GDPD4: variants seen among roughly 807,000 people sequenced by gnomAD.
GDPD4 encodes glycerophosphodiester phosphodiesterase domain containing 4, also known as glycerophosphodiester phosphodiesterase 6.
In GDPD4, 60 loss-of-function variants were observed where a neutral mutation model predicts 67.8. The observed-to-expected ratio is 0.88, with a 90% CI of 0.72 to 1.10. GDPD4 has a LOEUF of 1.10. Ranked by LOEUF, GDPD4 falls within the 50% of genes least tolerant of loss-of-function variation. The pLI, the probability that GDPD4 is intolerant of heterozygous loss-of-function variation, is 0.00. For missense variants in GDPD4, 623 were observed against 613.9 expected (o/e 1.01, Z -0.16); for synonymous variants, 212 against 210.9 (o/e 1.00, Z -0.04).
intron 1 of GDPD4, among the ~76,000 whole-genome samples, chr11:77,300,479 C>T (rs1938122395): frequency 6.6e-6 from 1 of 151,906 alleles, no homozygotes; most frequent in Admixed American, 6.6e-5. Flanking sequence ...CACCTAGTCT[C>T]TAAGGGAGAA....
chr11:77,282,708 CAAA>C (rs986602008), intron 3 of GDPD4, among the ~76,000 whole-genome samples: 11 of 144,070 alleles, frequency 7.6e-5, no homozygotes, highest in African/African-American at 2.7e-4. Flanking sequence ...ACAACAACAA[CAAA>C]AAAAAAAACA....
chr11:77,291,328 G>A (rs2135893980), intron 1 of GDPD4, among the ~76,000 whole-genome samples: 1 of 152,314 alleles, frequency 6.6e-6, no homozygotes, highest in Non-Finnish European at 1.5e-5. Context: ...TGATCTCATG[G>A]AGGTAATGAG....
chr11:77,252,050 GTTTGTTTTTTTTTTGTTTTTT>G (rs1164345018), intron 11 of GDPD4, among the ~76,000 whole-genome samples: 1 of 71,944 alleles, frequency 1.4e-5, no homozygotes, highest in Non-Finnish European at 3.1e-5. Context: ...TTTTTTGTTT[GTTTGTTTTTTTTTTGTTTTTT>G]TTTTTTTTTT....
chr11:77,217,385 C>T lies in GDPD4; in HGVS notation c.1526-71G>A, dbSNP rs1958145362. 7 of 1,210,892 alleles carry T rather than the reference C, an allele frequency of 5.8e-6. 1 individual carries two copies. In the East Asian group the frequency reaches 1.6e-4, roughly 28 times the overall value. The allele number at this position is 1,210,892 out of a possible 1,614,324, so 75.0% of individuals were successfully genotyped here. A position where few individuals can be genotyped will look rare whatever the true frequency, so the allele number is the denominator to read the frequency against. On this transcript the variant is annotated intron_variant, in intron 16 of 16. Transcript: ENST00000315938. ...CTCTCTGTCAGTCATGTGTGAAATT[C>T]AAGTTATCTCTTAAATGTTAGCCAC...
At chr11:77,288,659 C>A (rs1337704396) in intron 1 of GDPD4, among the ~76,000 whole-genome samples, 1 of 152,130 alleles carries the variant, frequency 6.6e-6, no homozygotes, top group Non-Finnish European at 1.5e-5. Flanking sequence ...AAAAAAAAAT[C>A]TTCCCCTATG....
chr11:77,241,022 T>A (rs906941898), intron 13 of GDPD4, among the ~76,000 whole-genome samples: 1 of 152,140 alleles, frequency 6.6e-6, no homozygotes. Flanking sequence ...TGGAGGTTCC[T>A]CAAAAAACTA....
chr11:77,286,254 A>C (rs888395001), intron 2 of GDPD4, among the ~76,000 whole-genome samples: 2 of 152,162 alleles, frequency 1.3e-5, no homozygotes, highest in Admixed American at 1.3e-4. Flanking sequence ...ACCTTCTAAA[A>C]GGTGGCCCTC....
At chr11:77,230,994 C>T (rs368951643) in intron 14 of GDPD4, among the ~76,000 whole-genome samples, 19 of 152,110 alleles carry the variant, frequency 1.2e-4, no homozygotes, top group East Asian at 1.9e-4. Flanking sequence ...GGATGAGCGA[C>T]GACACGAAGA....
intron 5 of GDPD4, among the ~76,000 whole-genome samples, chr11:77,274,173 A>G (rs562049793): frequency 6.6e-6 from 1 of 152,312 alleles, no homozygotes; most frequent in Admixed American, 6.5e-5. Context: ...AATAAGGCCT[A>G]TTTGTTCAAT....
chr11:77,284,462 AAAC>A (rs1274453501), intron 3 of GDPD4, among the ~76,000 whole-genome samples: 3 of 152,224 alleles, frequency 2.0e-5, no homozygotes, highest in South Asian at 4.1e-4. Context: ...TCTACAAAGA[AAAC>A]AACAACTGTA....
At chr11:77,232,884 A>C in intron 14 of GDPD4, 141 bp downstream of exon 14, 1 of 663,162 alleles carries the variant, frequency 1.5e-6, no homozygotes, top group Non-Finnish European at 2.5e-6. Context: ...TGAGAATGGA[A>C]AATACCACAT....
At chr11:77,293,342 C>T (rs1337853999) in intron 1 of GDPD4, among the ~76,000 whole-genome samples, 1 of 152,160 alleles carries the variant, frequency 6.6e-6, no homozygotes, top group Non-Finnish European at 1.5e-5. Context: ...TTCTGTAATC[C>T]TACAACTTTG....
chr11:77,283,435 AG>A (rs1283029924), intron 3 of GDPD4, among the ~76,000 whole-genome samples: 1 of 152,178 alleles, frequency 6.6e-6, no homozygotes, highest in Non-Finnish European at 1.5e-5. Flanking sequence ...ATGGGGAGAG[AG>A]GCAGAAAGAT....
At chr11:77,241,825 T>C (rs1008662766) in intron 13 of GDPD4, among the ~76,000 whole-genome samples, 7 of 151,728 alleles carry the variant, frequency 4.6e-5, no homozygotes, top group Admixed American at 1.3e-4. Context: ...GCACCTGTAG[T>C]CTCAGCCTGA....
At chr11:77,243,456 A>G (rs1958711590) in intron 13 of GDPD4, among the ~76,000 whole-genome samples, 1 of 146,786 alleles carries the variant, frequency 6.8e-6, no homozygotes, top group Admixed American at 6.8e-5. Context: ...TAGAGTACAC[A>G]GCAGAGGCTA....
intron 3 of GDPD4, among the ~76,000 whole-genome samples, chr11:77,283,482 T>C (rs1009123554): frequency 2.6e-5 from 4 of 152,264 alleles, no homozygotes; most frequent in Non-Finnish European, 4.4e-5. Flanking sequence ...TTATCAACTA[T>C]GGATCTCAGA....
At chr11:77,278,207 C>G (rs770460026) in intron 4 of GDPD4, among the ~76,000 whole-genome samples, 2 of 152,130 alleles carry the variant, frequency 1.3e-5, no homozygotes, top group African/African-American at 4.8e-5. Context: ...CCACCCGCCT[C>G]GGCCTCCCAA....
chr11:77,217,189 G>A lies in GDPD4; in HGVS notation c.*88C>T. 1 of 981,438 alleles carries A rather than the reference G, an allele frequency of 1.0e-6. No homozygotes were observed. The allele number at this position is 981,438 out of a possible 1,614,324, so 60.8% of individuals were successfully genotyped here. ...GGCCTTGGTGTTCCTTTCCACTCTTGGGTAGAGCCGGGTAGAGGGCTGCTA... is the reference window on the plus strand; with the variant it reads ...GGCCTTGGTGTTCCTTTCCACTCTTAGGTAGAGCCGGGTAGAGGGCTGCTA... On this transcript the variant is annotated 3_prime_UTR_variant, in exon 17 of 17. Coordinates refer to ENST00000315938, the MANE Select transcript of GDPD4 (RefSeq NM_182833.3).
At position 77,245,293 on chromosome 11, in the gene GDPD4, G is replaced by C. The variant is rs766657500; in HGVS notation, c.1074C>G (p.Ile358Met). ...GAGATAGACTTACCAGATGTTGCTC[G>C]ATTTTAGAGGCAAGGATCACGCTTA... is the stretch of plus-strand genomic sequence containing the variant. Reference protein sequence around the residue: ...QVVSVILASKIEQHLIFWLPA... With the variant: ...QVVSVILASKMEQHLIFWLPA... The change falls in exon 12 of 17, where the codon ATC (isoleucine) becomes ATG (methionine). Residue 358 changes from isoleucine to methionine, a missense_variant. Ile to Met is a conservative substitution (Grantham distance 10). Coordinates refer to ENST00000315938, the MANE Select transcript of GDPD4 (RefSeq NM_182833.3). 2 of 1,613,828 alleles carry C rather than the reference G, an allele frequency of 1.2e-6. No homozygotes were observed. Among genetic ancestry groups the C allele is most frequent in the Non-Finnish European group, 1.7e-6 (2 of 1,179,742 alleles).
Sources: gnomAD v4.1 joint callset for allele counts (sites outside exome capture counted in the v4.1 genomes callset) on GRCh38, gnomAD v4.1.1 for gene constraint, MANE v1.5 for transcripts, NCBI Gene and HGNC (gene_info 2026-07-23, HGNC 2026-07-21) for gene names.